Variants in ZBBX observed in about 807,000 individuals in gnomAD.
ZBBX encodes the protein zinc finger B-box domain containing.
In ZBBX, 101 loss-of-function variants were observed where a neutral mutation model predicts 108.5. The ratio of observed to expected loss-of-function variants is 0.93; its 90% CI spans 0.79 to 1.10. The LOEUF (loss-of-function observed/expected upper bound fraction) is 1.10. Among genes scored for constraint, ZBBX ranks in the 50% least tolerant of loss-of-function variants. ZBBX has a pLI of 0.00. For synonymous variants in ZBBX, 356 were observed against 323.4 expected, an observed-to-expected ratio of 1.10 and a Z score of -1.08; for missense variants, 1,009 against 941.4, an observed-to-expected ratio of 1.07 and a Z score of -0.94.
At chr3:167,328,777 C>A (rs1460435176) in intron 10 of ZBBX, among the ~76,000 whole-genome samples, 1 of 152,132 alleles carries the variant, frequency 6.6e-6, no homozygotes, top group African/African-American at 2.4e-5. Flanking sequence ...TAGCCATTCC[C>A]TCATTTTGTT....
chr3:167,318,676 C>T (rs1735875421), intron 12 of ZBBX, among the ~76,000 whole-genome samples: 1 of 151,926 alleles, frequency 6.6e-6, no homozygotes, highest in African/African-American at 2.4e-5. Flanking sequence ...ATACACACTA[C>T]TGTTACACAT....
chr3:167,330,084 A>AGG (rs1738167902), intron 10 of ZBBX, among the ~76,000 whole-genome samples: 1 of 152,222 alleles, frequency 6.6e-6, no homozygotes, highest in African/African-American at 2.4e-5. Context: ...AATGCTGATC[A>AGG]GTGGAAGATA....
upstream of ZBBX, among the ~76,000 whole-genome samples, chr3:167,383,937 G>A (rs1747824972): frequency 1.3e-5 from 2 of 152,024 alleles, no homozygotes; most frequent in South Asian, 4.1e-4. Context: ...TTTGTGGCAT[G>A]GGCAGAATTT....
chr3:167,218,338 T>C, the ZBBX span, among the ~76,000 whole-genome samples: 27 of 152,200 alleles, frequency 1.8e-4, no homozygotes, highest in East Asian at 4.6e-3. Flanking sequence ...ATTATAACAC[T>C]GTAATTGGGT....
Position 167,342,779 on chromosome 3 carries a change from A to G in ZBBX, c.528+7641T>C, listed in dbSNP as rs569965055. ...AATTATCATAATATCTTTCTGGTCCATGGTAAGTGTTATTACCACAAAAAA... is the reference window on the plus strand; with the variant it reads ...AATTATCATAATATCTTTCTGGTCCGTGGTAAGTGTTATTACCACAAAAAA... On this transcript the variant is annotated intron_variant, in intron 9 of 21. Transcript: ENST00000675490. 9.3e-4 allele frequency among the ~76,000 whole-genome samples: 140 copies of G among 150,836 alleles called. 1 individual carries two copies. The highest frequency in any genetic ancestry group is 3.4e-3 in the African/African-American group (140 of 41,194).
the ZBBX span, among the ~76,000 whole-genome samples, chr3:167,193,155 G>A: frequency 6.6e-6 from 1 of 152,126 alleles, no homozygotes; most frequent in Non-Finnish European, 1.5e-5. Flanking sequence ...CCTGTTGGTT[G>A]TCTTTCTTTT....
chr3:167,260,818 T>C (rs553156842), intron 20 of ZBBX, among the ~76,000 whole-genome samples: 8 of 152,354 alleles, frequency 5.3e-5, no homozygotes, highest in African/African-American at 1.9e-4. Context: ...TCCCCTGAAT[T>C]CTTTTTCAGG....
intron 1 of ZBBX, chr3:167,399,517 A>G (rs1430720275): frequency 1.3e-5 from 2 of 152,156 alleles, no homozygotes; most frequent in Non-Finnish European, 2.9e-5. Context: ...AGCATCAAGA[A>G]AATCTGACTG....
At chr3:167,358,747 T>A (rs1366469240) in intron 8 of ZBBX, among the ~76,000 whole-genome samples, 1 of 151,642 alleles carries the variant, frequency 6.6e-6, no homozygotes, top group Admixed American at 6.6e-5. Flanking sequence ...CCATCCTGGC[T>A]AACATGGTGA....
chr3:167,317,540 T>C lies in ZBBX; in HGVS notation c.1041A>G (p.Glu347=). 6.2e-7 allele frequency: 1 copy of C among 1,611,308 alleles called. No homozygotes were observed. Among genetic ancestry groups the C allele is most frequent in the Non-Finnish European group, 8.5e-7 (1 of 1,178,482 alleles). The change falls in exon 13 of 22, where the codon GAA becomes GAG. Residue 347 remains glutamate (E), a synonymous_variant. Transcript: ENST00000675490. Reference sequence around the variant, plus strand: ...GAGAACACTGTGCATCACCAGTGGTTTCATGTGGATGTGGGAACGTATCTG... The same window carrying C: ...GAGAACACTGTGCATCACCAGTGGTCTCATGTGGATGTGGGAACGTATCTG... ...MLPDTFPHPH[E]TTGDAQCSQN...
intron 9 of ZBBX, among the ~76,000 whole-genome samples, chr3:167,347,062 C>G (rs1245654848): frequency 6.6e-6 from 1 of 151,778 alleles, no homozygotes; most frequent in Non-Finnish European, 1.5e-5. Context: ...AGGCCTCTTT[C>G]TTATTCTATT....
At chr3:167,356,010 T>C (rs1743509980) in intron 8 of ZBBX, among the ~76,000 whole-genome samples, 1 of 151,994 alleles carries the variant, frequency 6.6e-6, no homozygotes, top group South Asian at 2.1e-4. Context: ...ACAGATCCTT[T>C]ATTTTCGGGT....
At chr3:167,304,670 G>T (rs1010870951) in intron 17 of ZBBX, among the ~76,000 whole-genome samples, 3 of 152,058 alleles carry the variant, frequency 2.0e-5, no homozygotes, top group Non-Finnish European at 4.4e-5. Flanking sequence ...TATGCTAAAT[G>T]AAAGCCCAAG....
chr3:167,179,894 A>T, the ZBBX span, among the ~76,000 whole-genome samples: 11 of 152,246 alleles, frequency 7.2e-5, no homozygotes, highest in African/African-American at 2.7e-4. Context: ...ACAAAGTCAA[A>T]TAAATGGGTT....
At chr3:167,392,250 C>T (rs1375702033) in intron 1 of ZBBX, among the ~76,000 whole-genome samples, 2 of 151,810 alleles carry the variant, frequency 1.3e-5, no homozygotes, top group African/African-American at 4.8e-5. Flanking sequence ...CCTGTCATTA[C>T]TGAGGACTAT....
intron 14 of ZBBX, among the ~76,000 whole-genome samples, chr3:167,316,234 A>C (rs1735430961): frequency 6.6e-6 from 1 of 152,098 alleles, no homozygotes; most frequent in Non-Finnish European, 1.5e-5. Flanking sequence ...ATTTATCCAG[A>C]GGAGAAATAA....
At chr3:167,259,634 A>G (rs1043649127) in intron 20 of ZBBX, among the ~76,000 whole-genome samples, 1 of 151,978 alleles carries the variant, frequency 6.6e-6, no homozygotes, top group Admixed American at 6.6e-5. Context: ...TCCTCTTAGC[A>G]CCACCTTTGC....
chr3:167,336,313 A>G (rs778720903), intron 9 of ZBBX, among the ~76,000 whole-genome samples: 18 of 152,076 alleles, frequency 1.2e-4, no homozygotes, highest in Non-Finnish European at 2.1e-4. Flanking sequence ...GGTAACTGAT[A>G]AAATAGAATT....
intron 10 of ZBBX, chr3:167,331,473 G>T: frequency 1.3e-6 from 1 of 746,028 alleles, no homozygotes; most frequent in Non-Finnish European, 1.6e-6. Context: ...TCAACATGCA[G>T]CAATTTCAGC....
Sources: gnomAD v4.1 joint callset for allele counts (sites outside exome capture counted in the v4.1 genomes callset) on GRCh38, gnomAD v4.1.1 for gene constraint, MANE v1.5 for transcripts, NCBI Gene and HGNC (gene_info 2026-07-23, HGNC 2026-07-21) for gene names.